TPTE2: variants seen among roughly 807,000 people sequenced by gnomAD.
TPTE2 encodes the protein transmembrane phosphoinositide 3-phosphatase and tensin homolog 2, also known as phosphatidylinositol 3,4,5-trisphosphate 3-phosphatase TPTE2.
Under a neutral mutation model 78.6 loss-of-function variants are expected in TPTE2, and 53 were observed. The ratio of observed to expected loss-of-function variants is 0.67; its 90% CI spans 0.54 to 0.85. The LOEUF (loss-of-function observed/expected upper bound fraction) is 0.85. Ranked by LOEUF, TPTE2 falls within the 40% of genes least tolerant of loss-of-function variation. TPTE2 has a pLI of 0.00. For missense variants in TPTE2, 461 were observed against 623.0 expected (o/e 0.74, Z 2.77); for synonymous variants, 175 against 206.2 (o/e 0.85, Z 1.30).
exon 10 of TPTE2, chr13:19,464,459 A>G (rs1242985699): frequency 1.2e-5 from 20 of 1,611,974 alleles, no homozygotes; most frequent in East Asian, 2.2e-5. Flanking sequence ...CCCTTACCTC[A>G]ATTGGATTTC....
chr13:19,491,420 T>C (rs1880983068), intron 3 of TPTE2, among the ~76,000 whole-genome samples: 1 of 152,240 alleles, frequency 6.6e-6, no homozygotes, highest in African/African-American at 2.4e-5. Context: ...ATGCAAATCC[T>C]ACCACATAAG....
intron 19 of TPTE2, among the ~76,000 whole-genome samples, chr13:19,424,147 C>T (rs1000600194): frequency 6.6e-6 from 1 of 152,180 alleles, no homozygotes; most frequent in African/African-American, 2.4e-5. Context: ...CAATAACTAT[C>T]AATTCATGCC....
At position 19,486,885 on chromosome 13, in the gene TPTE2, G is replaced by A. The variant is rs1163446892; in HGVS notation, c.120-4338C>T. ...TGCTCAGCTGGCCTGGGTGGTGCCT[G>A]CCAGGGGAAGCCCAGGGGACTGCTT... is the stretch of plus-strand genomic sequence containing the variant. On this transcript the variant is annotated intron_variant, in intron 3 of 19. Transcript: ENST00000400230. The surrounding 1 kb of genome is among the most constrained non-coding windows in gnomAD (Gnocchi z 4.3). Among the ~76,000 whole-genome samples the A allele has an allele frequency of 6.6e-6, 1 of 152,114 alleles. No homozygotes were observed. Among genetic ancestry groups the A allele is most frequent in the Non-Finnish European group, 1.5e-5 (1 of 68,012 alleles).
the TPTE2 span, among the ~76,000 whole-genome samples, chr13:19,544,934 T>A: frequency 8.4e-5 from 12 of 142,420 alleles, no homozygotes; most frequent in East Asian, 2.1e-4. Flanking sequence ...ACGTGCACAC[T>A]CACACACACA....
chr13:19,441,615 AC>A (rs1444725704), intron 13 of TPTE2, among the ~76,000 whole-genome samples: 1 of 152,208 alleles, frequency 6.6e-6, no homozygotes, highest in East Asian at 1.9e-4. Flanking sequence ...TTCAGCCTGC[AC>A]CTGTGACTTT....
intron 13 of TPTE2, among the ~76,000 whole-genome samples, chr13:19,445,476 T>C (rs951706058): frequency 2.0e-5 from 3 of 152,174 alleles, no homozygotes; most frequent in African/African-American, 7.2e-5. Context: ...ACGGAATGCT[T>C]GAAGTCTACA....
Position 19,441,043 on chromosome 13 carries a change from C to T in TPTE2, c.974-2890G>A, listed in dbSNP as rs556711046. On this transcript the variant is annotated intron_variant, in intron 13 of 19. Coordinates refer to ENST00000400230, the Ensembl canonical transcript of TPTE2. ...TGGAGGTTGCAGTGAGCCAAGACTG[C>T]GCCATTGCACTCCAGCCTGGGCAAC... is the stretch of plus-strand genomic sequence containing the variant. Among the ~76,000 whole-genome samples, 55 of 151,406 alleles carry T rather than the reference C, an allele frequency of 3.6e-4. 1 individual carries two copies. The highest frequency in any genetic ancestry group is 9.2e-4 in the Admixed American group (14 of 15,190).
intron 10 of TPTE2, among the ~76,000 whole-genome samples, chr13:19,456,518 A>G (rs1312896633): frequency 1.3e-5 from 2 of 152,208 alleles, no homozygotes; most frequent in African/African-American, 4.8e-5. Flanking sequence ...ACATACCAAG[A>G]GCAAATATTT....
intron 3 of TPTE2, among the ~76,000 whole-genome samples, chr13:19,487,680 C>T (rs545149890): frequency 2.4e-3 from 358 of 152,182 alleles, no homozygotes; most frequent in Non-Finnish European, 4.4e-3. Flanking sequence ...TTTAACCCAC[C>T]CATGTGGGCT....
chr13:19,556,484 A>T, the TPTE2 span, among the ~76,000 whole-genome samples: 1 of 152,176 alleles, frequency 6.6e-6, no homozygotes, highest in African/African-American at 2.4e-5. Flanking sequence ...AGATTAAATG[A>T]GCCCTTGGAG....
chr13:19,549,933 A>C, the TPTE2 span, among the ~76,000 whole-genome samples: 1 of 90,216 alleles, frequency 1.1e-5, no homozygotes, highest in Non-Finnish European at 2.9e-5. Context: ...CCTCATTTAT[A>C]AGTGGGAGCT....
chr13:19,438,105 A>C, exon 14 of TPTE2: 1 of 1,607,812 alleles, frequency 6.2e-7, no homozygotes, highest in Non-Finnish European at 8.5e-7. Flanking sequence ...GGCAGTTAAA[A>C]ATATTTCGGA....
chr13:19,499,104 C>A (rs1665034457), intron 1 of TPTE2, among the ~76,000 whole-genome samples: 1 of 152,072 alleles, frequency 6.6e-6, no homozygotes, highest in Admixed American at 6.5e-5. Context: ...GCTAACTATC[C>A]TAAATATATA....
At chr13:19,546,755 GC>G in the TPTE2 span, among the ~76,000 whole-genome samples, 1 of 151,968 alleles carries the variant, frequency 6.6e-6, no homozygotes, top group African/African-American at 2.4e-5. Flanking sequence ...CTCCAAAAGT[GC>G]TGGGACTACA....
intron 1 of TPTE2, among the ~76,000 whole-genome samples, chr13:19,536,044 C>A (rs748642222): frequency 3.9e-5 from 6 of 152,230 alleles, no homozygotes; most frequent in Non-Finnish European, 8.8e-5. Flanking sequence ...TGCTTCAAAT[C>A]ACTTCCAAGC....
At chr13:19,503,187 A>C in intron 1 of TPTE2, 37 bp downstream of exon 4, 1 of 1,613,136 alleles carries the variant, frequency 6.2e-7, no homozygotes, top group Non-Finnish European at 8.5e-7. Context: ...GCTCAGTTAT[A>C]ATTAGATAAA....
chr13:19,561,177 T>C, the TPTE2 span: 5 of 1,568,218 alleles, frequency 3.2e-6, no homozygotes, highest in African/African-American at 1.3e-5. Context: ...GGTCTCTGTC[T>C]CCGAGGAGCC....
At chr13:19,538,052 A>G (rs1346372620), upstream of TPTE2, among the ~76,000 whole-genome samples, 1 of 152,160 alleles carries the variant, frequency 6.6e-6, no homozygotes. Context: ...TTATATGTGA[A>G]TATTTCTCCA....
chr13:19,469,501 A>T (rs1879480111), intron 6 of TPTE2, among the ~76,000 whole-genome samples: 1 of 152,174 alleles, frequency 6.6e-6, no homozygotes, highest in Non-Finnish European at 1.5e-5. Context: ...AGTTTTGGCT[A>T]TTCTGGGTCT....
Sources: allele counts gnomAD v4.1 joint callset (sites outside exome capture counted in the v4.1 genomes callset), GRCh38; gene constraint gnomAD v4.1.1; non-coding constraint Gnocchi (gnomAD v3.1); transcripts MANE v1.5; gene names NCBI Gene and HGNC (gene_info 2026-07-23, HGNC 2026-07-21).